Variants in RABGAP1L observed in about 807,000 individuals in gnomAD.
The protein encoded by RABGAP1L is rab GTPase-activating protein 1-like.
Under a neutral mutation model 137.7 loss-of-function variants are expected in RABGAP1L, and 63 were observed. The ratio of observed to expected loss-of-function variants is 0.46; its 90% CI spans 0.37 to 0.56. The LOEUF is 0.56. Ranked by LOEUF, RABGAP1L falls within the 20% of genes least tolerant of loss-of-function variation. RABGAP1L has a pLI of 0.00. For missense variants in RABGAP1L, 1,095 were observed against 1,244.0 expected (o/e 0.88, Z 1.80); for synonymous variants, 431 against 433.7 (o/e 0.99, Z 0.08).
chr1:174,185,096 A>C (rs998281291), intron 1 of RABGAP1L, among the ~76,000 whole-genome samples: 1 of 152,222 alleles, frequency 6.6e-6, no homozygotes, highest in Non-Finnish European at 1.5e-5. Flanking sequence ...ATAGATTTCA[A>C]TGAAGTGTTT....
intron 11 of RABGAP1L, among the ~76,000 whole-genome samples, chr1:174,361,811 T>C (rs917725687): frequency 1.3e-5 from 2 of 152,232 alleles, no homozygotes; most frequent in Admixed American, 6.5e-5. Flanking sequence ...AGTTCTGTGG[T>C]ACATGTGCAG....
chr1:174,802,233 T>A (rs1573263490), intron 18 of RABGAP1L, among the ~76,000 whole-genome samples: 1 of 152,214 alleles, frequency 6.6e-6, no homozygotes, highest in African/African-American at 2.4e-5. Flanking sequence ...AAGTAGTGCA[T>A]CTCTCAGGTG....
chr1:174,781,690 A>G (rs960715024), intron 18 of RABGAP1L, among the ~76,000 whole-genome samples: 1 of 152,082 alleles, frequency 6.6e-6, no homozygotes, highest in Non-Finnish European at 1.5e-5. Flanking sequence ...TATGGTTTTT[A>G]TGGTTTTAGG....
chr1:174,454,551 A>ATTTT (rs202016873), intron 13 of RABGAP1L, among the ~76,000 whole-genome samples: 6,800 of 132,764 alleles, frequency 0.051, 653 homozygotes, highest in African/African-American at 0.17. Flanking sequence ...TCACTGTAGG[A>ATTTT]TTTTTTTTTT....
intron 13 of RABGAP1L, among the ~76,000 whole-genome samples, chr1:174,517,110 G>A (rs1358765771): frequency 1.3e-5 from 2 of 151,832 alleles, no homozygotes; most frequent in African/African-American, 4.8e-5. Context: ...ATTTCACTAA[G>A]GGGAAAAGCT....
At chr1:174,333,983 C>T (rs1287565741) in intron 11 of RABGAP1L, among the ~76,000 whole-genome samples, 2 of 152,166 alleles carry the variant, frequency 1.3e-5, no homozygotes, top group African/African-American at 4.8e-5. Context: ...CTACAATTAT[C>T]ACTGGTCATC....
chr1:174,958,209 T>C (rs1402430867), intron 20 of RABGAP1L: 1 of 1,329,986 alleles, frequency 7.5e-7, no homozygotes, highest in Non-Finnish European at 9.9e-7. Flanking sequence ...TGTTGCAACA[T>C]TTATTTCCAC....
At chr1:174,975,226 G>C (rs1168048966) in intron 21 of RABGAP1L, among the ~76,000 whole-genome samples, 1 of 152,190 alleles carries the variant, frequency 6.6e-6, no homozygotes, top group African/African-American at 2.4e-5. Flanking sequence ...TAGTGGGCAA[G>C]ACAAATAAAT....
intron 13 of RABGAP1L, among the ~76,000 whole-genome samples, chr1:174,430,531 A>T (rs1652509084): frequency 6.6e-6 from 1 of 152,194 alleles, no homozygotes; most frequent in South Asian, 2.1e-4. Context: ...TGGGCACAAC[A>T]TGTTGGCAGT....
chr1:174,408,773 C>A (rs1415333421), intron 13 of RABGAP1L, among the ~76,000 whole-genome samples: 1 of 151,986 alleles, frequency 6.6e-6, no homozygotes, highest in African/African-American at 2.4e-5. Flanking sequence ...GCTAGTATGA[C>A]ATGGTTTCTC....
chr1:174,837,564 G>A (rs1328041176), intron 19 of RABGAP1L, among the ~76,000 whole-genome samples: 3 of 152,228 alleles, frequency 2.0e-5, no homozygotes. Context: ...GCCCTGTGGA[G>A]AATTGCCTCC....
intron 24 of RABGAP1L, among the ~76,000 whole-genome samples, chr1:174,988,125 A>T (rs1239380046): frequency 2.0e-5 from 3 of 152,198 alleles, no homozygotes; most frequent in Non-Finnish European, 2.9e-5. Context: ...ACTTTTATTA[A>T]GCAACAGGGG....
At chr1:174,548,628 T>C in intron 13 of RABGAP1L, 1 of 887,758 alleles carries the variant, frequency 1.1e-6, no homozygotes, top group Non-Finnish European at 1.3e-6. Context: ...ATACCACCCA[T>C]CTTCCAATAT....
intron 1 of RABGAP1L, among the ~76,000 whole-genome samples, chr1:174,184,415 T>A (rs1666639194): frequency 6.6e-6 from 1 of 152,002 alleles, no homozygotes; most frequent in Non-Finnish European, 1.5e-5. Flanking sequence ...TACCAGGGAG[T>A]GCAATTGTGG....
chr1:174,443,789 C>G (rs1654421636), intron 13 of RABGAP1L, among the ~76,000 whole-genome samples: 1 of 151,928 alleles, frequency 6.6e-6, no homozygotes, highest in African/African-American at 2.4e-5. Flanking sequence ...CCAGTGTTTT[C>G]TTGTATTAGC....
intron 13 of RABGAP1L, among the ~76,000 whole-genome samples, chr1:174,632,663 C>A (rs1015782223): frequency 2.7e-5 from 4 of 149,748 alleles, no homozygotes; most frequent in Admixed American, 2.0e-4. Flanking sequence ...TCACTGATAC[C>A]CTTTCTTCCA....
At chr1:174,731,774 A>G (rs1682498034) in intron 17 of RABGAP1L, among the ~76,000 whole-genome samples, 1 of 152,230 alleles carries the variant, frequency 6.6e-6, no homozygotes, top group South Asian at 2.1e-4. Flanking sequence ...TGTCATGGTA[A>G]TGCTGTTGCC....
intron 18 of RABGAP1L, among the ~76,000 whole-genome samples, chr1:174,788,016 T>C (rs1335017395): frequency 3.3e-5 from 5 of 152,220 alleles, no homozygotes; most frequent in Non-Finnish European, 5.9e-5. Context: ...GGAAAAGAGC[T>C]GCTAAAATGT....
chr1:174,285,811 G>T (rs1571918886), intron 10 of RABGAP1L, among the ~76,000 whole-genome samples: 1 of 152,064 alleles, frequency 6.6e-6, no homozygotes, highest in East Asian at 1.9e-4. Context: ...AAAGGATGTT[G>T]AATTTTGTCT....
Sources: gnomAD v4.1 joint callset for allele counts (sites outside exome capture counted in the v4.1 genomes callset) on GRCh38, gnomAD v4.1.1 for gene constraint, MANE v1.5 for transcripts, NCBI Gene and HGNC (gene_info 2026-07-23, HGNC 2026-07-21) for gene names.